Variants in TRAPPC8 observed in about 807,000 individuals in gnomAD.
TRAPPC8 encodes trafficking protein particle complex subunit 8.
A neutral mutation model predicts 174.3 loss-of-function variants in TRAPPC8; 54 were observed. That is an observed-to-expected ratio of 0.31 (90% CI 0.25 to 0.39). The LOEUF is 0.39. Among genes scored for constraint, TRAPPC8 ranks in the 10% least tolerant of loss-of-function variants. TRAPPC8 has a pLI of 1.00. For synonymous variants in TRAPPC8, 630 were observed against 579.9 expected (o/e 1.09, Z -1.24); for missense variants, 1,531 against 1,699.1 (o/e 0.90, Z 1.74).
chr18:31,876,830 G>A (rs1323090224), intron 12 of TRAPPC8, among the ~76,000 whole-genome samples: 1 of 152,156 alleles, frequency 6.6e-6, no homozygotes, highest in Non-Finnish European at 1.5e-5. Flanking sequence ...GTGGCAGTTT[G>A]AGAACGTCCC....
chr18:31,874,817 G>T (rs2035063783), intron 12 of TRAPPC8, 113 bp from the exon 13 acceptor site: 5 of 810,718 alleles, frequency 6.2e-6, no homozygotes, highest in Non-Finnish European at 9.6e-6. Flanking sequence ...TCCTCTAAGG[G>T]GGACTGGGAT....
rs746393693 is a variant in TRAPPC8 at position 31,917,710 on chromosome 18, A to T, written c.353-43T>A. On this transcript the variant is annotated intron_variant, in intron 2 of 28. Transcript: ENST00000283351. The stretch of plus-strand genomic sequence containing the variant: ...CAAAACAGTTAAAAGTATTCAATAG[A>T]ATCAGTTTACAACAGACAAAATTTC... 3 of 1,557,866 alleles carry T rather than the reference A, an allele frequency of 1.9e-6. No homozygotes were observed. The African/African-American group carries it at 4.1e-5, about 21-fold the overall frequency.
chr18:31,860,467 A>G (rs750055709), intron 19 of TRAPPC8, among the ~76,000 whole-genome samples: 1 of 152,126 alleles, frequency 6.6e-6, no homozygotes, highest in Non-Finnish European at 1.5e-5. Flanking sequence ...AATGACTCTT[A>G]TTTTTATCTT....
intron 1 of TRAPPC8, among the ~76,000 whole-genome samples, chr18:31,934,257 G>A (rs1304839968): frequency 2.0e-5 from 3 of 151,448 alleles, no homozygotes; most frequent in African/African-American, 7.3e-5. Context: ...AAGAGACTAA[G>A]ATAAGGTAGA....
intron 2 of TRAPPC8, among the ~76,000 whole-genome samples, chr18:31,919,581 TAAATAAATAAAA>T (rs1464137670): frequency 5.6e-5 from 6 of 106,908 alleles, no homozygotes; most frequent in African/African-American, 1.9e-4. Flanking sequence ...AATAAATAAA[TAAATAAATAAAA>T]TAATAATAAT....
At chr18:31,910,299 A>G (rs1204666230) in intron 5 of TRAPPC8, among the ~76,000 whole-genome samples, 1 of 152,148 alleles carries the variant, frequency 6.6e-6, no homozygotes, top group African/African-American at 2.4e-5. Flanking sequence ...CTTAAACTAA[A>G]AATACCCAGA....
chr18:31,874,802 G>T, intron 12 of TRAPPC8, 98 bp from the exon 13 acceptor site: 2 of 971,160 alleles, frequency 2.1e-6, no homozygotes, highest in Non-Finnish European at 3.0e-6. Context: ...TAAGTAACTG[G>T]TTCTTCCTCT....
At chr18:31,889,004 T>C (rs1026858621) in intron 12 of TRAPPC8, among the ~76,000 whole-genome samples, 1 of 152,164 alleles carries the variant, frequency 6.6e-6, no homozygotes, top group African/African-American at 2.4e-5. Flanking sequence ...GCACCCTAAC[T>C]TCCAAGGAAG....
In TRAPPC8 at chr18:31,849,593, T is replaced by C; in HGVS notation, c.3708A>G (p.Val1236=). Residue 1236 remains valine, a synonymous_variant, in exon 25 of 29, where the codon GTA becomes GTG. Coordinates refer to ENST00000283351, the MANE Select transcript of TRAPPC8 (RefSeq NM_014939.5). ...TCCATAATATGACAATATTCAAATC[T>C]ACCTCACTGCATTTTTGAATCAATC... ...AVRLIQKCSE[V]DLNIVILWKA... 6.2e-7 allele frequency: 1 copy of C among 1,610,550 alleles called. No homozygotes were observed. The highest frequency in any genetic ancestry group is 1.1e-5 in the South Asian group (1 of 90,118).
Position 31,913,393 on chromosome 18 carries a change from G to T in TRAPPC8, c.747C>A (p.Leu249=). ...CCTGGTTTTGAATACTATTTTTCTG[G>T]AGATACTGACTCCAAGGATCTGGTA... ...EQIPDPWSQY[L]QKNSIQNQES... Residue 249 remains leucine (L), a synonymous_variant, in exon 5 of 29, where the codon CTC becomes CTA. Coordinates refer to ENST00000283351, the MANE Select transcript of TRAPPC8 (RefSeq NM_014939.5). 6.3e-7 allele frequency: 1 copy of T among 1,582,814 alleles called. No homozygotes were observed.
At position 31,852,786 on chromosome 18, in the gene TRAPPC8, TGAAGAAC is replaced by T. The variant is rs2033781278; in HGVS notation, c.3434-130_3434-124del. ...ATTCGTAATTATAAATAATGTTTAA[TGAAGAAC>T]ATCTTTGTTTTTATCTCAATGAAAT... On this transcript the variant is annotated intron_variant, in intron 22 of 28. Transcript: ENST00000283351. 7.4e-6 allele frequency: 6 copies of T among 810,444 alleles called. No individual in the cohort carries two copies. In the African/African-American group the frequency reaches 1.0e-4, roughly 14 times the overall value. 50.2% of individuals were successfully genotyped at this position (810,444 alleles called of 1,614,324 possible).
chr18:31,837,281 G>A (rs1284702532), intron 27 of TRAPPC8, among the ~76,000 whole-genome samples: 1 of 151,502 alleles, frequency 6.6e-6, no homozygotes, highest in Admixed American at 6.6e-5. Flanking sequence ...TGCTGCTATT[G>A]GAATATGCAA....
intron 5 of TRAPPC8, among the ~76,000 whole-genome samples, chr18:31,910,891 G>A (rs1451439433): frequency 2.0e-5 from 3 of 151,972 alleles, no homozygotes; most frequent in Non-Finnish European, 4.4e-5. Context: ...TTTCAGTACT[G>A]TTCTTATTCT....
intron 1 of TRAPPC8, among the ~76,000 whole-genome samples, chr18:31,934,198 G>A (rs1194802026): frequency 6.6e-6 from 1 of 151,752 alleles, no homozygotes; most frequent in Non-Finnish European, 1.5e-5. Flanking sequence ...AAAAAAAATG[G>A]TACATGCAAA....
intron 1 of TRAPPC8, among the ~76,000 whole-genome samples, chr18:31,933,283 A>G (rs888518527): frequency 8.8e-5 from 13 of 147,890 alleles, no homozygotes; most frequent in African/African-American, 3.3e-4. Flanking sequence ...CCTGGGCAAC[A>G]GAGCGAGACT....
chr18:31,877,610 C>CAAA lies in TRAPPC8; in HGVS notation c.1729-2909_1729-2907dup, dbSNP rs1161138155. ...CCTGGGCAACAGGGAGACTCCGTCT[C>CAAA]AAAAAAAAAAAAAAAAAAAAGTGAG... On this transcript the variant is annotated intron_variant, in intron 12 of 28. Coordinates refer to ENST00000283351, the MANE Select transcript of TRAPPC8 (RefSeq NM_014939.5). Among the ~76,000 whole-genome samples, 360 of 77,038 alleles carry CAAA rather than the reference C, an allele frequency of 4.7e-3. 7 individuals carry two copies. Among genetic ancestry groups the CAAA allele is most frequent in the African/African-American group, 0.016 (285 of 17,886 alleles). The allele number at this position is 77,038 out of a possible 152,430, so 50.5% of individuals were successfully genotyped here.
At chr18:31,932,228 C>T (rs537854002) in intron 1 of TRAPPC8, among the ~76,000 whole-genome samples, 5 of 152,204 alleles carry the variant, frequency 3.3e-5, no homozygotes, top group Middle Eastern at 3.4e-3. Flanking sequence ...GAGTTGGAGA[C>T]AAGCCTGGCC....
At chr18:31,870,852 C>A in intron 15 of TRAPPC8, 74 bp downstream of exon 15, 7 of 1,310,776 alleles carry the variant, frequency 5.3e-6, no homozygotes, top group Non-Finnish European at 7.1e-6. Context: ...TTATGTGTGC[C>A]AAACAATAAA....
intron 19 of TRAPPC8, among the ~76,000 whole-genome samples, chr18:31,859,825 G>A (rs1270667861): frequency 6.6e-6 from 1 of 152,282 alleles, no homozygotes; most frequent in East Asian, 1.9e-4. Context: ...AGACCAGCCT[G>A]ACCAACATGG....
Sources: allele counts gnomAD v4.1 joint callset (sites outside exome capture counted in the v4.1 genomes callset), GRCh38; gene constraint gnomAD v4.1.1; transcripts MANE v1.5; gene names NCBI Gene and HGNC (gene_info 2026-07-23, HGNC 2026-07-21).